Variants in CELF4 observed in about 807,000 individuals in gnomAD.
CELF4 encodes the protein CUGBP Elav-like family member 4.
CELF4 carries 18 observed loss-of-function variants against 59.9 expected under a neutral mutation model. The observed-to-expected ratio is 0.30, with a 90% CI of 0.21 to 0.45. CELF4 has a LOEUF of 0.45. Ranked by LOEUF, CELF4 falls within the 20% of genes least tolerant of loss-of-function variation. The probability of loss-of-function intolerance (pLI) is 1.00; values close to 1 mark genes in which losing one functional copy is unlikely to be tolerated. For synonymous variants in CELF4, 261 were observed against 267.1 expected (o/e 0.98, Z 0.22); for missense variants, 456 against 689.0 (o/e 0.66, Z 3.79).
chr18:37,396,164 G>C (rs581036), intron 2 of CELF4, among the ~76,000 whole-genome samples: 129,078 of 152,212 alleles, frequency 0.85, 54,793 homozygotes, highest in East Asian at 0.93. Context: ...ACTCTGACTT[G>C]TCACATTTCT....
chr18:37,329,192 ACG>A (rs1473258028), intron 2 of CELF4, among the ~76,000 whole-genome samples: 13 of 152,208 alleles, frequency 8.5e-5, no homozygotes, highest in African/African-American at 3.1e-4. Context: ...TCAGCTGGAA[ACG>A]CAAGCCAAAC....
chr18:37,303,634 C>T (rs758854462), intron 3 of CELF4, among the ~76,000 whole-genome samples: 3 of 152,204 alleles, frequency 2.0e-5, no homozygotes, highest in African/African-American at 4.8e-5. Context: ...CTTTTTAGAG[C>T]CACGTCTTGG....
At chr18:37,324,616 T>C (rs960037082) in intron 2 of CELF4, among the ~76,000 whole-genome samples, 10 of 152,158 alleles carry the variant, frequency 6.6e-5, no homozygotes, top group Non-Finnish European at 1.3e-4. Flanking sequence ...TGAAGCCTGG[T>C]TGGTACCCCA....
At chr18:37,387,498 C>T (rs937869913) in intron 2 of CELF4, among the ~76,000 whole-genome samples, 6 of 152,224 alleles carry the variant, frequency 3.9e-5, no homozygotes, top group African/African-American at 1.4e-4. Flanking sequence ...GGGCCCACCT[C>T]GTGCTGGGCC....
At chr18:37,517,806 C>G (rs532288965) in intron 1 of CELF4, among the ~76,000 whole-genome samples, 1 of 152,124 alleles carries the variant, frequency 6.6e-6, no homozygotes, top group Non-Finnish European at 1.5e-5. Context: ...GTGGGACCTC[C>G]GAGGGTCAAG....
At chr18:37,251,102 G>T (rs898471412) in intron 12 of CELF4, among the ~76,000 whole-genome samples, 1 of 152,136 alleles carries the variant, frequency 6.6e-6, no homozygotes, top group African/African-American at 2.4e-5. Context: ...CTCACTAGCT[G>T]ATGGGCAAGC....
chr18:37,520,119 G>T (rs2099955630), intron 1 of CELF4, among the ~76,000 whole-genome samples: 2 of 152,162 alleles, frequency 1.3e-5, no homozygotes, highest in South Asian at 4.1e-4. Flanking sequence ...TGCTACCAGG[G>T]CTGCATTCTC....
At chr18:37,363,123 G>T (rs905483382) in intron 2 of CELF4, among the ~76,000 whole-genome samples, 1 of 152,170 alleles carries the variant, frequency 6.6e-6, no homozygotes, top group African/African-American at 2.4e-5. Flanking sequence ...AGCCACCAGA[G>T]CAAAGACCCT....
At chr18:37,551,320 C>T (rs2099983110) in intron 1 of CELF4, among the ~76,000 whole-genome samples, 1 of 152,232 alleles carries the variant, frequency 6.6e-6, no homozygotes. Flanking sequence ...TCAGCCATGA[C>T]TGCCCCCCTG....
intron 2 of CELF4, among the ~76,000 whole-genome samples, chr18:37,333,831 G>A (rs776098284): frequency 2.0e-5 from 3 of 151,808 alleles, no homozygotes; most frequent in Non-Finnish European, 4.4e-5. Flanking sequence ...CATCCATCCA[G>A]TGTTTACTGA....
intron 2 of CELF4, among the ~76,000 whole-genome samples, chr18:37,410,888 C>T (rs1165984462): frequency 6.6e-6 from 1 of 152,218 alleles, no homozygotes; most frequent in Admixed American, 6.5e-5. Flanking sequence ...AGGGGCACTG[C>T]TCCCTTGATC....
chr18:37,294,234 C>T lies in CELF4; in HGVS notation c.449-18991G>A, dbSNP rs149294448. Reference sequence around the variant, plus strand: ...ATGTATTACCCTTCATCTCATCCTCCGGACCAGTTTCAGGTCATCAGCACA... The same window carrying T: ...ATGTATTACCCTTCATCTCATCCTCTGGACCAGTTTCAGGTCATCAGCACA... On this transcript the variant is annotated intron_variant, in intron 3 of 12. Transcript: ENST00000420428. 2.7e-3 allele frequency among the ~76,000 whole-genome samples: 410 copies of T among 152,256 alleles called. 3 individuals are homozygous for T. Among genetic ancestry groups the T allele is most frequent in the African/African-American group, 9.0e-3 (372 of 41,542 alleles).
chr18:37,564,928 T>C (rs1052854206), intron 1 of CELF4, among the ~76,000 whole-genome samples: 3 of 152,212 alleles, frequency 2.0e-5, no homozygotes, highest in Middle Eastern at 3.4e-3. Flanking sequence ...CCACCTCCTT[T>C]AGTATTTTCA....
intron 3 of CELF4, among the ~76,000 whole-genome samples, chr18:37,288,254 C>T (rs184717247): frequency 6.6e-6 from 1 of 152,354 alleles, no homozygotes; most frequent in Non-Finnish European, 1.5e-5. Context: ...GAGGTCCTCC[C>T]TTCCTGCGCG....
At chr18:37,471,731 C>A (rs1198874744) in intron 2 of CELF4, among the ~76,000 whole-genome samples, 1 of 152,190 alleles carries the variant, frequency 6.6e-6, no homozygotes, top group Non-Finnish European at 1.5e-5. Context: ...CCAGGGGCAG[C>A]AGGGTTCTTG....
At chr18:37,341,646 C>T (rs1282168167) in intron 2 of CELF4, among the ~76,000 whole-genome samples, 1 of 152,166 alleles carries the variant, frequency 6.6e-6, no homozygotes, top group Non-Finnish European at 1.5e-5. Flanking sequence ...CATGACTGTG[C>T]TCTATCCAGC....
At chr18:37,250,687 G>A (rs2064957628) in intron 12 of CELF4, among the ~76,000 whole-genome samples, 1 of 152,098 alleles carries the variant, frequency 6.6e-6, no homozygotes, top group African/African-American at 2.4e-5. Context: ...TCCCTCGCTG[G>A]CAGTCCGAGG....
chr18:37,342,675 T>A (rs1008059052), intron 2 of CELF4, among the ~76,000 whole-genome samples: 2 of 152,242 alleles, frequency 1.3e-5, no homozygotes, highest in African/African-American at 4.8e-5. Flanking sequence ...CTTAGCTGTG[T>A]GACCCTAGGC....
At chr18:37,440,592 G>A (rs1239917526) in intron 2 of CELF4, among the ~76,000 whole-genome samples, 3 of 152,214 alleles carry the variant, frequency 2.0e-5, no homozygotes, top group Non-Finnish European at 4.4e-5. Flanking sequence ...CTTCCTTGGA[G>A]GAGGTGGGGC....
Sources: allele counts gnomAD v4.1 joint callset (sites outside exome capture counted in the v4.1 genomes callset), GRCh38; gene constraint gnomAD v4.1.1; transcripts MANE v1.5; gene names NCBI Gene and HGNC (gene_info 2026-07-23, HGNC 2026-07-21).